The following ADCY2 variants were observed in gnomAD, a reference collection of about 807,000 sequenced individuals.
ADCY2 encodes the protein adenylate cyclase type 2.
Under a neutral mutation model 125.2 loss-of-function variants are expected in ADCY2, and 31 were observed. That is an observed-to-expected ratio of 0.25 (90% CI 0.19 to 0.33). The LOEUF is 0.33. Among genes scored for constraint, ADCY2 ranks in the 10% least tolerant of loss-of-function variants. ADCY2 has a pLI of 1.00. For synonymous variants in ADCY2, 512 were observed against 548.4 expected (o/e 0.93, Z 0.93); for missense variants, 904 against 1,418.2 (o/e 0.64, Z 5.82).
intron 15 of ADCY2, among the ~76,000 whole-genome samples, chr5:7,745,406 A>T (rs958128747): frequency 1.1e-4 from 16 of 152,222 alleles, no homozygotes; most frequent in Non-Finnish European, 2.1e-4. Context: ...CAAAAATGGG[A>T]CTGTGGCTTC....
intron 1 of ADCY2, among the ~76,000 whole-genome samples, chr5:7,409,403 A>G (rs981674013): frequency 1.3e-5 from 2 of 152,232 alleles, no homozygotes; most frequent in South Asian, 4.1e-4. Context: ...AAAATAAAAT[A>G]AAATTCACAT....
chr5:7,786,797 G>T (rs1246059016), intron 19 of ADCY2, among the ~76,000 whole-genome samples: 1 of 152,176 alleles, frequency 6.6e-6, no homozygotes, highest in East Asian at 1.9e-4. Flanking sequence ...TTTTGTAGGA[G>T]AGCTTAGAAC....
intron 2 of ADCY2, among the ~76,000 whole-genome samples, chr5:7,491,154 A>C (rs1189541373): frequency 1.3e-5 from 2 of 152,244 alleles, no homozygotes; most frequent in Non-Finnish European, 2.9e-5. Flanking sequence ...TTGGTTTATC[A>C]ACAAATTATA....
At chr5:7,533,472 T>C (rs75873597) in intron 3 of ADCY2, among the ~76,000 whole-genome samples, 2,529 of 152,234 alleles carry the variant, frequency 0.017, 65 homozygotes, top group African/African-American at 0.058. Context: ...TTACCATTTT[T>C]ATCTTGATTT....
At chr5:7,627,940 A>G (rs530677353) in intron 4 of ADCY2, among the ~76,000 whole-genome samples, 2 of 152,344 alleles carry the variant, frequency 1.3e-5, no homozygotes, top group South Asian at 4.1e-4. Flanking sequence ...CCTATATAGC[A>G]AAGGTATTCA....
intron 12 of ADCY2, among the ~76,000 whole-genome samples, chr5:7,720,061 G>A (rs191619497): frequency 6.6e-6 from 1 of 152,096 alleles, no homozygotes; most frequent in East Asian, 1.9e-4. Flanking sequence ...ATCACTTATT[G>A]TGATAACGAA....
chr5:7,754,044 G>A (rs1300979204), intron 15 of ADCY2, among the ~76,000 whole-genome samples: 2 of 152,108 alleles, frequency 1.3e-5, no homozygotes. Context: ...TGAACCAAGC[G>A]CATCCTGAAC....
intron 4 of ADCY2, among the ~76,000 whole-genome samples, chr5:7,669,764 G>T (rs1208899244): frequency 6.6e-6 from 1 of 152,154 alleles, no homozygotes; most frequent in Non-Finnish European, 1.5e-5. Context: ...AGCCACTGCT[G>T]CCGGCAATGG....
chr5:7,770,371 A>T (rs1743516790), intron 17 of ADCY2, among the ~76,000 whole-genome samples: 1 of 152,168 alleles, frequency 6.6e-6, no homozygotes, highest in African/African-American at 2.4e-5. Context: ...CCCTCTTATA[A>T]GTGGTTCCTT....
At chr5:7,708,820 T>G (rs1741346267) in intron 9 of ADCY2, among the ~76,000 whole-genome samples, 1 of 151,956 alleles carries the variant, frequency 6.6e-6, no homozygotes. Flanking sequence ...AACATTACGT[T>G]CAGGTAAAGA....
intron 2 of ADCY2, among the ~76,000 whole-genome samples, chr5:7,488,756 A>G (rs1743039310): frequency 6.6e-6 from 1 of 152,120 alleles, no homozygotes; most frequent in Admixed American, 6.5e-5. Flanking sequence ...CAGTGTCCTG[A>G]GCATTCTCGC....
At chr5:7,806,773 A>G (rs1444310781) in intron 22 of ADCY2, among the ~76,000 whole-genome samples, 3 of 152,256 alleles carry the variant, frequency 2.0e-5, no homozygotes, top group Non-Finnish European at 2.9e-5. Context: ...GCACTTCAAC[A>G]TATAAATTTT....
intron 1 of ADCY2, among the ~76,000 whole-genome samples, chr5:7,402,029 C>G (rs899363607): frequency 1.3e-5 from 2 of 152,206 alleles, no homozygotes; most frequent in African/African-American, 4.8e-5. Context: ...TGACATCACC[C>G]TGGATGGCAG....
intron 20 of ADCY2, among the ~76,000 whole-genome samples, chr5:7,791,075 T>C (rs1442353888): frequency 6.6e-6 from 1 of 152,082 alleles, no homozygotes; most frequent in Non-Finnish European, 1.5e-5. Context: ...TTCTGAAAGA[T>C]TTCAGGGCCC....
rs79986082 is a variant in ADCY2 at position 7,569,684 on chromosome 5, C to A, written c.570+48785C>A. Among the ~76,000 whole-genome samples, 1,032 of 152,228 alleles carry A rather than the reference C, an allele frequency of 6.8e-3. 11 individuals are homozygous for A. Among genetic ancestry groups the A allele is most frequent in the African/African-American group, 0.024 (992 of 41,544 alleles). ...TGCCTAACTTCTTGCCTAATCATTC[C>A]TCTGAACTGTGGCCTCAGTATGACT... is the stretch of plus-strand genomic sequence containing the variant. On this transcript the variant is annotated intron_variant, in intron 3 of 24. Coordinates refer to ENST00000338316, the MANE Select transcript of ADCY2 (RefSeq NM_020546.3).
intron 3 of ADCY2, among the ~76,000 whole-genome samples, chr5:7,540,165 A>G (rs765130053): frequency 3.3e-5 from 5 of 152,148 alleles, no homozygotes; most frequent in African/African-American, 7.2e-5. Flanking sequence ...AACAACACAC[A>G]CTGGGGCCTC....
chr5:7,687,575 C>T (rs529589316), intron 4 of ADCY2, among the ~76,000 whole-genome samples: 1 of 152,278 alleles, frequency 6.6e-6, no homozygotes, highest in Non-Finnish European at 1.5e-5. Flanking sequence ...AAGCAGGGCT[C>T]AATCTTGCCT....
intron 3 of ADCY2, among the ~76,000 whole-genome samples, chr5:7,578,410 G>T (rs939883182): frequency 9.2e-5 from 14 of 152,144 alleles, no homozygotes; most frequent in African/African-American, 3.4e-4. Flanking sequence ...TAAACACTTA[G>T]CTCTTTATTC....
chr5:7,596,353 T>C (rs1737005258), intron 3 of ADCY2, among the ~76,000 whole-genome samples: 2 of 152,014 alleles, frequency 1.3e-5, no homozygotes, highest in African/African-American at 4.8e-5. Context: ...AATAAGTATC[T>C]CCACCGTTTC....
Sources: allele counts gnomAD v4.1 joint callset (sites outside exome capture counted in the v4.1 genomes callset), GRCh38; gene constraint gnomAD v4.1.1; transcripts MANE v1.5; gene names NCBI Gene and HGNC (gene_info 2026-07-23, HGNC 2026-07-21).